The following FA2H variants were observed in gnomAD, a reference collection of about 807,000 sequenced individuals.
FA2H encodes the protein fatty acid 2-hydroxylase.
In FA2H, 22 loss-of-function variants were observed where a neutral mutation model predicts 44.9. That is an observed-to-expected ratio of 0.49 (90% CI 0.35 to 0.70). FA2H has a LOEUF of 0.70. Among genes scored for constraint, FA2H ranks in the 30% least tolerant of loss-of-function variants. FA2H has a pLI of 0.01. For missense variants in FA2H, 501 were observed against 504.9 expected (o/e 0.99, Z 0.07); for synonymous variants, 243 against 213.2 (o/e 1.14, Z -1.22).
At chr16:74,730,612 A>C (rs1240534076) in intron 2 of FA2H, among the ~76,000 whole-genome samples, 3 of 151,946 alleles carry the variant, frequency 2.0e-5, no homozygotes, top group African/African-American at 2.4e-5. Flanking sequence ...AACTGGAGGA[A>C]CCAGCTGGTG....
At chr16:74,718,865 C>T (rs1440176399) in intron 5 of FA2H, 123 bp downstream of exon 5, 13 of 1,174,334 alleles carry the variant, frequency 1.1e-5, no homozygotes, top group African/African-American at 1.5e-5. Flanking sequence ...CATCAAACGT[C>T]CCGTCCCTCC....
At chr16:74,774,086 G>A (rs115413978) in intron 1 of FA2H, among the ~76,000 whole-genome samples, 363 of 152,222 alleles carry the variant, frequency 2.4e-3, no homozygotes, top group African/African-American at 8.4e-3. Flanking sequence ...AAACAGAAAC[G>A]GAGAGTGGTT....
rs1470164454 is a variant in FA2H, at chr16:74,774,782, C to G, written c.-27G>C. On this transcript the variant is annotated 5_prime_UTR_variant, in exon 1 of 7. Transcript: ENST00000219368. Reference sequence around the variant, plus strand: ...GCCGGAGACCGCAGCTCCCAGCGCGCAGCCCGGCGTCTGCTCTGCTGCCAC... The same window carrying G: ...GCCGGAGACCGCAGCTCCCAGCGCGGAGCCCGGCGTCTGCTCTGCTGCCAC... 2.2e-5 allele frequency: 28 copies of G among 1,277,664 alleles called. No homozygotes were observed. Among genetic ancestry groups the G allele is most frequent in the Non-Finnish European group, 2.7e-5 (28 of 1,018,208 alleles). 79.1% of individuals were successfully genotyped at this position (1,277,664 alleles called of 1,614,324 possible).
chr16:74,754,203 C>T (rs1165187616), intron 1 of FA2H, among the ~76,000 whole-genome samples: 1 of 152,178 alleles, frequency 6.6e-6, no homozygotes, highest in Admixed American at 6.5e-5. Context: ...CAAGACCAGA[C>T]TGGCCAATAT....
At chr16:74,763,544 C>G (rs1962753247) in intron 1 of FA2H, among the ~76,000 whole-genome samples, 1 of 152,240 alleles carries the variant, frequency 6.6e-6, no homozygotes, top group Non-Finnish European at 1.5e-5. Flanking sequence ...AGGCGTGCGC[C>G]ACCGTGCCCG....
rs1445564714 is a variant in FA2H, at chr16:74,774,778, C to T, written c.-23G>A. On this transcript the variant is annotated 5_prime_UTR_variant, in exon 1 of 7. Transcript: ENST00000219368. ...CATGGCCGGAGACCGCAGCTCCCAG[C>T]GCGCAGCCCGGCGTCTGCTCTGCTG... 2 of 1,279,326 alleles carry T rather than the reference C, an allele frequency of 1.6e-6. No individual in the cohort carries two copies. Among genetic ancestry groups the T allele is most frequent in the Admixed American group, 4.3e-5 (1 of 23,462 alleles). The allele number at this position is 1,279,326 out of a possible 1,614,324, so 79.2% of individuals were successfully genotyped here. A position where few individuals can be genotyped will look rare whatever the true frequency, so the allele number is the denominator to read the frequency against.
At chr16:74,717,873 G>C (rs1961741589) in intron 5 of FA2H, among the ~76,000 whole-genome samples, 2 of 152,204 alleles carry the variant, frequency 1.3e-5, no homozygotes, top group South Asian at 2.1e-4. Context: ...CAGTGGATCT[G>C]AAAAGGCTTC....
intron 2 of FA2H, among the ~76,000 whole-genome samples, chr16:74,728,923 C>G (rs1194250138): frequency 2.0e-5 from 3 of 149,236 alleles, no homozygotes; most frequent in Non-Finnish European, 4.4e-5. Context: ...GCTGGGACTA[C>G]AGGCACGCAC....
chr16:74,729,458 G>A (rs559721255), intron 2 of FA2H, among the ~76,000 whole-genome samples: 37 of 152,142 alleles, frequency 2.4e-4, no homozygotes, highest in Non-Finnish European at 4.7e-4. Flanking sequence ...ACCTTTACAC[G>A]GCATTTGAAT....
chr16:74,756,049 A>G (rs1377750516), intron 1 of FA2H, among the ~76,000 whole-genome samples: 6 of 152,200 alleles, frequency 3.9e-5, no homozygotes, highest in Non-Finnish European at 8.8e-5. Flanking sequence ...TGCGGAATAC[A>G]TGTCCAGTTC....
chr16:74,767,557 G>A (rs1962832340), intron 1 of FA2H, among the ~76,000 whole-genome samples: 1 of 152,172 alleles, frequency 6.6e-6, no homozygotes, highest in African/African-American at 2.4e-5. Flanking sequence ...CTTCTAAGTG[G>A]AAGATGGATG....
intron 1 of FA2H, among the ~76,000 whole-genome samples, chr16:74,761,628 A>G (rs1482474801): frequency 6.6e-6 from 1 of 152,230 alleles, no homozygotes; most frequent in Non-Finnish European, 1.5e-5. Flanking sequence ...TTTATGAGTC[A>G]GTTGTTTAAT....
At chr16:74,758,756 A>G (rs1240135134) in intron 1 of FA2H, among the ~76,000 whole-genome samples, 2 of 152,140 alleles carry the variant, frequency 1.3e-5, no homozygotes, top group Non-Finnish European at 2.9e-5. Context: ...CAAGAACCCC[A>G]TCTCTACAAA....
chr16:74,759,911 C>T lies in FA2H; in HGVS notation c.270+14575G>A, dbSNP rs535654043. ...GACATGGCACATTGCAACCCCATGG[C>T]AAGTTTTTTTAGGAAGGAGGTGAGG... On this transcript the variant is annotated intron_variant, in intron 1 of 6. Coordinates refer to ENST00000219368, the MANE Select transcript of FA2H (RefSeq NM_024306.5). Among the ~76,000 whole-genome samples the T allele has an allele frequency of 3.9e-5, 6 of 152,246 alleles. No individual in the cohort carries two copies. In the East Asian group the frequency reaches 7.7e-4, roughly 20 times the overall value.
At chr16:74,755,957 C>CAGTT (rs1166364856) in intron 1 of FA2H, among the ~76,000 whole-genome samples, 1 of 152,198 alleles carries the variant, frequency 6.6e-6, no homozygotes, top group East Asian at 1.9e-4. Context: ...AGATACAGAC[C>CAGTT]AGTTCCATCT....
At chr16:74,733,340 C>A (rs888818071) in intron 2 of FA2H, among the ~76,000 whole-genome samples, 2 of 152,126 alleles carry the variant, frequency 1.3e-5, no homozygotes, top group Middle Eastern at 3.4e-3. Flanking sequence ...GAAATTCAGG[C>A]CCGCCGACCC....
Position 74,716,590 on chromosome 16 carries a change from C to G in FA2H, c.796G>C (p.Asp266His), listed in dbSNP as rs1230776326. 6.4e-7 allele frequency: 1 copy of G among 1,562,940 alleles called. No homozygotes were observed. The highest frequency in any genetic ancestry group is 8.7e-7 in the Non-Finnish European group (1 of 1,155,110). Residue 266 changes from aspartate (D) to histidine (H), a missense_variant, in exon 6 of 7, where the codon GAC becomes CAC. Asp to His is a moderately conservative substitution (Grantham distance 81). Coordinates refer to ENST00000219368, the MANE Select transcript of FA2H (RefSeq NM_024306.5). ...MHGQHHKAPF[D>H]GSRLVFPPVP... The stretch of plus-strand genomic sequence containing the variant: ...GGGGGGAAGACCAGGCGGGAGCCGT[C>G]GAAGGGTGCCTGCAGATGGAGAGGC...
In FA2H at chr16:74,726,335, C is replaced by T. The variant is rs748522285; in HGVS notation, c.507-4G>A. 6.3e-7 allele frequency: 1 copy of T among 1,590,804 alleles called. No homozygotes were observed. The highest frequency in any genetic ancestry group is 2.2e-5 in the East Asian group (1 of 44,758). ...CCAGATGATGGGGACACTGTACCTGCAGGAAGGCCATCAGGGTGAGAGAGA... is the reference window on the plus strand; with the variant it reads ...CCAGATGATGGGGACACTGTACCTGTAGGAAGGCCATCAGGGTGAGAGAGA... On this transcript the variant is annotated splice_polypyrimidine_tract_variant and splice_region_variant and intron_variant, in intron 3 of 6. Transcript: ENST00000219368.
intron 1 of FA2H, among the ~76,000 whole-genome samples, chr16:74,763,443 A>C (rs903760947): frequency 1.4e-4 from 22 of 152,082 alleles, no homozygotes; most frequent in African/African-American, 5.1e-4. Flanking sequence ...TTTTTAGTAG[A>C]GACGAGGTCT....
Sources: allele counts gnomAD v4.1 joint callset (sites outside exome capture counted in the v4.1 genomes callset), GRCh38; gene constraint gnomAD v4.1.1; transcripts MANE v1.5; gene names NCBI Gene and HGNC (gene_info 2026-07-23, HGNC 2026-07-21).